The following TJP3 variants were observed in gnomAD, a reference collection of about 807,000 sequenced individuals.
The protein encoded by TJP3 is tight junction protein 3.
Under a neutral mutation model 104.2 loss-of-function variants are expected in TJP3, and 85 were observed. The observed-to-expected ratio is 0.82, with a 90% CI of 0.68 to 0.98. The LOEUF is 0.98. TJP3 is among the 50% of genes least tolerant of loss of function. The pLI, the probability that TJP3 is intolerant of heterozygous loss-of-function variation, is 0.00. For synonymous variants in TJP3, 550 were observed against 550.6 expected, an observed-to-expected ratio of 1.00 and a Z score of 0.02; for missense variants, 1,367 against 1,322.8, an observed-to-expected ratio of 1.03 and a Z score of -0.52.
rs140829455 is a variant in TJP3, at chr19:3,710,345, G to A, written c.-10+1784G>A. Among the ~76,000 whole-genome samples, 605 of 152,260 alleles carry A rather than the reference G, an allele frequency of 4.0e-3. 3 individuals carry two copies. Among genetic ancestry groups the A allele is most frequent in the African/African-American group, 0.014 (584 of 41,554 alleles). Reference sequence around the variant, plus strand: ...ATGAACCCTGGCTCAGAGAAGGACAGCCGCTTACCCCGGGCCGCACAGCCA... The same window carrying A: ...ATGAACCCTGGCTCAGAGAAGGACAACCGCTTACCCCGGGCCGCACAGCCA... On this transcript the variant is annotated intron_variant, in intron 1 of 20. Coordinates refer to ENST00000541714, the MANE Select transcript of TJP3 (RefSeq NM_001267560.2).
intron 3 of TJP3, among the ~76,000 whole-genome samples, chr19:3,729,108 T>G (rs1371818019): frequency 6.6e-6 from 1 of 152,070 alleles, no homozygotes; most frequent in Non-Finnish European, 1.5e-5. Flanking sequence ...ACTTTCCAGC[T>G]CTGTCAACAC....
At chr19:3,728,796 T>A in intron 3 of TJP3, 83 bp downstream of exon 3, 1 of 1,450,154 alleles carries the variant, frequency 6.9e-7, no homozygotes, top group Non-Finnish European at 9.5e-7. Flanking sequence ...CTCACACCCG[T>A]CATCCCAGCA....
At chr19:3,741,983 AAAAC>A (rs893636096) in intron 14 of TJP3, among the ~76,000 whole-genome samples, 3 of 152,144 alleles carry the variant, frequency 2.0e-5, no homozygotes, top group African/African-American at 7.2e-5. Flanking sequence ...AAAAAACAAA[AAAAC>A]AAAAAAATTT....
At chr19:3,741,954 G>A (rs2036827687) in intron 14 of TJP3, among the ~76,000 whole-genome samples, 1 of 151,720 alleles carries the variant, frequency 6.6e-6, no homozygotes, top group Admixed American at 6.6e-5. Flanking sequence ...TGGGCAACAA[G>A]AGCAAAACTC....
chr19:3,744,173 G>A (rs35547494), intron 15 of TJP3, 139 bp downstream of exon 15: 172,330 of 683,930 alleles, frequency 0.25, 22,410 homozygotes, highest in East Asian at 0.32. Context: ...CAATACCCAA[G>A]CCAGACATCC....
chr19:3,733,651 T>C, intron 6 of TJP3, 102 bp from the exon 7 acceptor site: 1 of 1,526,088 alleles, frequency 6.6e-7, no homozygotes, highest in Non-Finnish European at 8.9e-7. Flanking sequence ...TAGCAACCTC[T>C]GGGGGAATTG....
chr19:3,720,008 GTTC>G (rs1305161877), intron 1 of TJP3, among the ~76,000 whole-genome samples: 1 of 152,172 alleles, frequency 6.6e-6, no homozygotes, highest in Non-Finnish European at 1.5e-5. Context: ...ACTCTTCAAA[GTTC>G]TGGAATTACA....
At chr19:3,718,338 C>T (rs564573494) in intron 1 of TJP3, among the ~76,000 whole-genome samples, 1 of 151,044 alleles carries the variant, frequency 6.6e-6, no homozygotes, top group Non-Finnish European at 1.5e-5. Context: ...CCGCCTCGGC[C>T]TTCCAAAGTG....
chr19:3,708,735 A>T (rs1337681478), intron 1 of TJP3, among the ~76,000 whole-genome samples, 174 bp downstream of exon 1: 1 of 151,938 alleles, frequency 6.6e-6, no homozygotes, highest in Admixed American at 6.6e-5. Context: ...ATAGTTTCGT[A>T]GGGATTATCT....
intron 3 of TJP3, among the ~76,000 whole-genome samples, chr19:3,728,977 C>CG (rs1208526332): frequency 1.3e-5 from 2 of 152,020 alleles, no homozygotes; most frequent in African/African-American, 4.8e-5. Context: ...TGCTTGAACC[C>CG]GGGAGGCAGA....
rs2036661748 is a variant in TJP3 at position 3,730,755 on chromosome 19, C to T, written c.613+49C>T. The T allele has an allele frequency of 6.5e-7, 1 of 1,535,994 alleles. No homozygotes were observed. The highest frequency in any genetic ancestry group is 1.9e-5 in the Admixed American group (1 of 52,578). On this transcript the variant is annotated intron_variant, in intron 5 of 20. Transcript: ENST00000541714. The surrounding 1 kb of genome is among the most constrained non-coding windows in gnomAD (Gnocchi z 7.3). ...CACGATCAGTACTGGACACAGGGCA[C>T]CGTGGTCGGATGGGCGACGGTTTCA... is the stretch of plus-strand genomic sequence containing the variant.
Position 3,750,667 on chromosome 19 carries a change from C to T in TJP3, c.2743C>T (p.Pro915Ser). The T allele has an allele frequency of 1.2e-6, 2 of 1,602,540 alleles. No individual in the cohort carries two copies. Among genetic ancestry groups the T allele is most frequent in the Non-Finnish European group, 1.7e-6 (2 of 1,174,530 alleles). ...SSDEDGYDWG[P>S]ATDL ...CGATGAAGACGGCTATGACTGGGGTCCGGCCACTGACCTGTGACCTCTCGA... is the reference window on the plus strand; with the variant it reads ...CGATGAAGACGGCTATGACTGGGGTTCGGCCACTGACCTGTGACCTCTCGA... The change falls in exon 21 of 21, where the codon CCG becomes TCG. Residue 915 changes from proline to serine, a missense_variant. Transcript: ENST00000541714.
chr19:3,738,795 A>AG (rs1472652557), intron 12 of TJP3, 102 bp from the exon 13 acceptor site: 237 of 1,356,408 alleles, frequency 1.7e-4, no homozygotes, highest in Non-Finnish European at 2.2e-4. Context: ...TGGCCCCTAC[A>AG]GGGAGAGTGC....
rs2036924024 is a variant in TJP3 at position 3,747,936 on chromosome 19, A to G, written c.2465A>G (p.Tyr822Cys). The G allele has an allele frequency of 6.2e-7, 1 of 1,613,204 alleles. No homozygotes were observed. Among genetic ancestry groups the G allele is most frequent in the Non-Finnish European group, 8.5e-7 (1 of 1,179,902 alleles). The change falls in exon 19 of 21, where the codon TAC (tyrosine) becomes TGC (cysteine). Residue 822 changes from tyrosine (Y) to cysteine (C), a missense_variant. Transcript: ENST00000541714. ...EGGAYTDGEG[Y>C]TDGEGGPYTD... ...GGCGCGTACACGGATGGCGAGGGCT[A>G]CACAGACGGCGAGGGGGGGCCCTAC...
Position 3,735,928 on chromosome 19 carries a change from G to A in TJP3, c.1120G>A (p.Asp374Asn). The change falls in exon 10 of 21, where the codon GAT becomes AAT. Residue 374 changes from aspartate (D) to asparagine (N), a missense_variant. Physicochemically the swap from Asp to Asn is conservative, Grantham distance 23 (BLOSUM62 1). Coordinates refer to ENST00000541714, the MANE Select transcript of TJP3 (RefSeq NM_001267560.2). ...AGTGCCCAGCAGTCAGAGCATGGAG[G>A]ATCGTGGGTATGTACCCCAGAAGAA... is the stretch of plus-strand genomic sequence containing the variant. The part of the protein sequence containing the change: ...YRVPSSQSME[D>N]RGYSPDTRVV... 6.2e-7 allele frequency: 1 copy of A among 1,614,160 alleles called. No individual in the cohort carries two copies. The highest frequency in any genetic ancestry group is 1.1e-5 in the South Asian group (1 of 91,078).
intron 12 of TJP3, 37 bp downstream of exon 12, chr19:3,738,700 C>G: frequency 6.4e-7 from 1 of 1,571,244 alleles, no homozygotes; most frequent in African/African-American, 1.3e-5. Flanking sequence ...CTGTGTGTTG[C>G]GGGGGGAGGA....
At chr19:3,745,968 G>A in intron 15 of TJP3, 43 bp from the exon 16 acceptor site, 1 of 1,533,878 alleles carries the variant, frequency 6.5e-7, no homozygotes, top group Non-Finnish European at 8.9e-7. Context: ...GAGGGGACGG[G>A]GGCTGCCCTC....
intron 1 of TJP3, among the ~76,000 whole-genome samples, chr19:3,718,463 T>C (rs1193928355): frequency 1.3e-5 from 2 of 150,408 alleles, no homozygotes; most frequent in East Asian, 2.0e-4. Context: ...CGGTTTTTTT[T>C]TTTTGGGGTG....
chr19:3,712,072 T>C (rs1321029269), intron 1 of TJP3, among the ~76,000 whole-genome samples: 1 of 152,090 alleles, frequency 6.6e-6, no homozygotes, highest in Admixed American at 6.6e-5. Flanking sequence ...TCCCAGCATT[T>C]TGGGAGGCCA....
Sources: gnomAD v4.1 joint callset for allele counts (sites outside exome capture counted in the v4.1 genomes callset) on GRCh38, gnomAD v4.1.1 for gene constraint, Gnocchi (gnomAD v3.1) non-coding constraint, MANE v1.5 for transcripts, NCBI Gene and HGNC (gene_info 2026-07-23, HGNC 2026-07-21) for gene names.